Variants in TFCP2 observed in about 807,000 individuals in gnomAD.
The protein encoded by TFCP2 is transcription factor CP2.
A neutral mutation model predicts 73.4 loss-of-function variants in TFCP2; 33 were observed. The ratio of observed to expected loss-of-function variants is 0.45; its 90% CI spans 0.34 to 0.60. TFCP2 has a LOEUF of 0.60. Ranked by LOEUF, TFCP2 falls within the 20% of genes least tolerant of loss-of-function variation. TFCP2 has a pLI of 0.01. For synonymous variants in TFCP2, 193 were observed against 211.6 expected (o/e 0.91, Z 0.76); for missense variants, 352 against 604.0 (o/e 0.58, Z 4.37).
chr12:51,138,998 G>T (rs1451398093), intron 1 of TFCP2, among the ~76,000 whole-genome samples: 2 of 152,192 alleles, frequency 1.3e-5, no homozygotes, highest in African/African-American at 2.4e-5. Context: ...ATTCCCTAGA[G>T]ATGTAACCAG....
chr12:51,097,718 A>T (rs561315848), intron 13 of TFCP2, among the ~76,000 whole-genome samples: 1 of 152,210 alleles, frequency 6.6e-6, no homozygotes, highest in South Asian at 2.1e-4. Context: ...GTGCATAAAA[A>T]TATGTTATGG....
At chr12:51,161,381 G>GAAA (rs113017278) in intron 1 of TFCP2, among the ~76,000 whole-genome samples, 3 of 144,914 alleles carry the variant, frequency 2.1e-5, no homozygotes, top group African/African-American at 7.5e-5. Context: ...CCATTCACAG[G>GAAA]AAAAAAAAAA....
chr12:51,106,689 A>G, intron 7 of TFCP2, 76 bp from the exon 8 acceptor site: 1 of 1,102,866 alleles, frequency 9.1e-7, no homozygotes, highest in South Asian at 1.3e-5. Context: ...TGTTACTTGA[A>G]TAGCACATCT....
At chr12:51,114,250 A>T (rs1430896522) in intron 4 of TFCP2, among the ~76,000 whole-genome samples, 1 of 152,218 alleles carries the variant, frequency 6.6e-6, no homozygotes, top group Non-Finnish European at 1.5e-5. Context: ...TAACAAAAAA[A>T]ACAAAACAAT....
intron 1 of TFCP2, among the ~76,000 whole-genome samples, chr12:51,152,351 A>T (rs898930649): frequency 2.2e-5 from 3 of 134,890 alleles, no homozygotes; most frequent in Non-Finnish European, 5.1e-5. Context: ...AAATACAAGG[A>T]ACAAGAACTG....
At chr12:51,115,345 T>C (rs963642475) in intron 4 of TFCP2, among the ~76,000 whole-genome samples, 7 of 152,036 alleles carry the variant, frequency 4.6e-5, no homozygotes, top group African/African-American at 1.2e-4. Flanking sequence ...TGGTCTCGAT[T>C]TCCTGACCTC....
intron 1 of TFCP2, among the ~76,000 whole-genome samples, chr12:51,128,884 C>T (rs1385003960): frequency 2.6e-5 from 4 of 152,116 alleles, no homozygotes; most frequent in Non-Finnish European, 5.9e-5. Flanking sequence ...AGTAAATACC[C>T]TGTATGACAT....
intron 1 of TFCP2, among the ~76,000 whole-genome samples, chr12:51,166,721 C>A (rs1017649807): frequency 6.6e-6 from 1 of 152,170 alleles, no homozygotes; most frequent in African/African-American, 2.4e-5. Context: ...ATGCTTTAGA[C>A]CACCCTGCGT....
chr12:51,165,173 A>G (rs1306573908), intron 1 of TFCP2, among the ~76,000 whole-genome samples: 1 of 152,124 alleles, frequency 6.6e-6, no homozygotes, highest in African/African-American at 2.4e-5. Context: ...TGGGCAACAT[A>G]GGGAGACTTG....
chr12:51,124,686 G>A (rs763615768), intron 1 of TFCP2: 53 of 641,132 alleles, frequency 8.3e-5, no homozygotes, highest in Non-Finnish European at 1.3e-4. Context: ...GCCGTCCCCC[G>A]CGGTGGCCAG....
At chr12:51,124,249 C>T (rs1359323573) in intron 1 of TFCP2, among the ~76,000 whole-genome samples, 2 of 152,110 alleles carry the variant, frequency 1.3e-5, no homozygotes, top group Admixed American at 6.6e-5. Context: ...GTATGCACCA[C>T]CATGTCTGGC....
rs375365545 is a variant in TFCP2, at chr12:51,128,044, T to A, written c.123-9272A>T. ...AAGCAATTCTGCTGCCTCAGCCTCC[T>A]GAGTAGCTGGGATTACATGTGTGCA... On this transcript the variant is annotated intron_variant, in intron 1 of 14. Coordinates refer to ENST00000257915, the MANE Select transcript of TFCP2 (RefSeq NM_005653.5). Among the ~76,000 whole-genome samples the A allele has an allele frequency of 1.7e-4, 26 of 152,062 alleles. No individual in the cohort carries two copies. The East Asian group carries it at 5.0e-3, about 29-fold the overall frequency.
At position 51,106,890 on chromosome 12, in the gene TFCP2, C is replaced by T. The variant is rs1940259845; in HGVS notation, c.829-277G>A. On this transcript the variant is annotated intron_variant, in intron 7 of 14. Transcript: ENST00000257915. ...GGGTTCCAGAACCAAAGGCAGCACA[C>T]AGCTCTTCCTAAAATTGAAGGTGGT... 4 of 491,590 alleles carry T rather than the reference C, an allele frequency of 8.1e-6. No homozygotes were observed. The East Asian group carries it at 1.2e-4, about 15-fold the overall frequency. The allele number at this position is 491,590 out of a possible 1,614,324, so 30.5% of individuals were successfully genotyped here.
chr12:51,155,803 A>G (rs1202107550), intron 1 of TFCP2, among the ~76,000 whole-genome samples: 1 of 152,220 alleles, frequency 6.6e-6, no homozygotes, highest in African/African-American at 2.4e-5. Context: ...GCACTTTGGG[A>G]GGCCAAGGTG....
Position 51,106,591 on chromosome 12 carries a change from G to A in TFCP2, c.851C>T (p.Thr284Met), listed in dbSNP as rs202169731. ...AGGTGATGGGGAGTTATTGACATAC[G>A]TGATCTCGGGCCATGGAGAACACTA... The part of the protein sequence containing the change: ...LTECSPWPEI[T>M]YVNNSPSPGF... The change falls in exon 8 of 15, where the codon ACG (threonine) becomes ATG (methionine). Residue 284 changes from threonine (T) to methionine (M), a missense_variant. Around this residue, in one of 6 missense-constraint regions of TFCP2, gnomAD observed 47 missense variants for 89.1 expected, o/e 0.53. Transcript: ENST00000257915. 49 of 1,613,280 alleles carry A rather than the reference G, an allele frequency of 3.0e-5. No individual in the cohort carries two copies. Among genetic ancestry groups the A allele is most frequent in the Admixed American group, 8.3e-5 (5 of 59,932 alleles).
chr12:51,097,478 C>T (rs1939992362), intron 13 of TFCP2, among the ~76,000 whole-genome samples: 2 of 149,754 alleles, frequency 1.3e-5, no homozygotes, highest in African/African-American at 4.9e-5. Context: ...GAACTTCTGA[C>T]CTTGTGATCC....
intron 5 of TFCP2, among the ~76,000 whole-genome samples, 176 bp downstream of exon 5, chr12:51,110,701 G>C (rs752478671): frequency 1.2e-4 from 18 of 152,200 alleles, no homozygotes; most frequent in Non-Finnish European, 2.2e-4. Flanking sequence ...TGGGGTATTA[G>C]AAGAGCAATT....
rs191770948 is a variant in TFCP2, at chr12:51,145,884, C to T, written c.122+26417G>A. 3.3e-5 allele frequency among the ~76,000 whole-genome samples: 5 copies of T among 151,188 alleles called. No homozygotes were observed. The East Asian group carries it at 7.9e-4, about 24-fold the overall frequency. The stretch of plus-strand genomic sequence containing the variant: ...GGAGGATCACTTGAGCCCAGGAGTT[C>T]GAGGCTGCAGTGAGCTGTGATTGCC... On this transcript the variant is annotated intron_variant, in intron 1 of 14. Transcript: ENST00000257915.
chr12:51,139,219 C>T (rs1312422276), intron 1 of TFCP2, among the ~76,000 whole-genome samples: 2 of 152,054 alleles, frequency 1.3e-5, no homozygotes, highest in Non-Finnish European at 2.9e-5. Flanking sequence ...CTAGAAATGT[C>T]CCTTCTCTGT....
Sources: gnomAD v4.1 joint callset for allele counts (sites outside exome capture counted in the v4.1 genomes callset) on GRCh38, gnomAD v4.1.1 for gene constraint, gnomAD v4.1.1 regional missense constraint, MANE v1.5 for transcripts, NCBI Gene and HGNC (gene_info 2026-07-23, HGNC 2026-07-21) for gene names.